The following CPNE4 variants were observed in gnomAD, a reference collection of about 807,000 sequenced individuals.
The protein encoded by CPNE4 is copine-4.
A neutral mutation model predicts 67.9 loss-of-function variants in CPNE4; 25 were observed. The ratio of observed to expected loss-of-function variants is 0.37; its 90% confidence interval spans 0.27 to 0.51. The LOEUF is 0.51. CPNE4 is among the 20% of genes least tolerant of loss of function. The pLI, the probability that CPNE4 is intolerant of heterozygous loss-of-function variation, is 0.93. For synonymous variants in CPNE4, 242 were observed against 244.9 expected (o/e 0.99, Z 0.11); for missense variants, 464 against 690.8 (o/e 0.67, Z 3.68).
At chr3:131,678,207 G>A (rs2080638107) in intron 6 of CPNE4, among the ~76,000 whole-genome samples, 2 of 152,176 alleles carry the variant, frequency 1.3e-5, no homozygotes, top group Middle Eastern at 3.4e-3. Context: ...TTGTGAATGG[G>A]AGTTCATTCA....
intron 7 of CPNE4, among the ~76,000 whole-genome samples, chr3:131,650,378 C>T (rs911987127): frequency 7.2e-5 from 11 of 152,074 alleles, no homozygotes; most frequent in African/African-American, 2.4e-4. Context: ...AGGGGCCACC[C>T]TAGGGTGTGA....
chr3:131,683,976 T>C (rs1328788650), intron 6 of CPNE4, among the ~76,000 whole-genome samples: 1 of 152,104 alleles, frequency 6.6e-6, no homozygotes, highest in Non-Finnish European at 1.5e-5. Flanking sequence ...TCACTGTCTC[T>C]TCCCCAAGCA....
chr3:131,768,281 G>T (rs977683754), intron 2 of CPNE4, among the ~76,000 whole-genome samples: 3 of 152,066 alleles, frequency 2.0e-5, no homozygotes, highest in Non-Finnish European at 4.4e-5. Flanking sequence ...TTCTTTTGTT[G>T]CATGGAGAAG....
chr3:131,878,776 G>T (rs1400168019), intron 2 of CPNE4, among the ~76,000 whole-genome samples: 5 of 152,098 alleles, frequency 3.3e-5, no homozygotes, highest in Non-Finnish European at 7.4e-5. Context: ...ACTAGATGGG[G>T]TATGCGCTTA....
chr3:132,031,071 T>G (rs1327414477), intron 1 of CPNE4, among the ~76,000 whole-genome samples: 1 of 152,116 alleles, frequency 6.6e-6, no homozygotes, highest in African/African-American at 2.4e-5. Flanking sequence ...ATTATAAGAT[T>G]TTGGGGACAT....
chr3:132,030,971 A>G lies in CPNE4; in HGVS notation c.-2+3596T>C, dbSNP rs888346597. 5.9e-5 allele frequency among the ~76,000 whole-genome samples: 9 copies of G among 152,344 alleles called. No homozygotes were observed. The South Asian group carries it at 1.9e-3, about 32-fold the overall frequency. ...ATTGTGCTTGATTTTTGGATTTACC[A>G]TCAACTATCACATAAATACTTTATC... On this transcript the variant is annotated intron_variant, in intron 1 of 15. Transcript: ENST00000429747.
intron 2 of CPNE4, among the ~76,000 whole-genome samples, chr3:131,857,668 T>A (rs947010590): frequency 1.3e-5 from 2 of 152,064 alleles, no homozygotes; most frequent in Non-Finnish European, 2.9e-5. Context: ...ATGTTCTTTC[T>A]AGTGCCCACT....
chr3:131,568,177 A>G (rs570939925), intron 10 of CPNE4, among the ~76,000 whole-genome samples: 116 of 152,180 alleles, frequency 7.6e-4, no homozygotes, highest in African/African-American at 2.7e-3. Flanking sequence ...GTCTTAAGTA[A>G]GAGTCAGCTA....
intron 3 of CPNE4, among the ~76,000 whole-genome samples, chr3:131,710,605 G>GT (rs1451773226): frequency 3.9e-5 from 6 of 152,132 alleles, no homozygotes; most frequent in African/African-American, 1.4e-4. Context: ...ATTTCGCTCT[G>GT]CAACTTACTG....
chr3:131,539,075 A>G (rs975575241), intron 15 of CPNE4: 1 of 152,244 alleles, frequency 6.6e-6, no homozygotes, highest in African/African-American at 2.4e-5. Flanking sequence ...AATGGCTTAC[A>G]TAAAATGATT....
chr3:131,553,597 A>G (rs140888517), intron 12 of CPNE4, among the ~76,000 whole-genome samples: 4 of 152,174 alleles, frequency 2.6e-5, no homozygotes, highest in African/African-American at 9.6e-5. Flanking sequence ...ACCAGTTGCC[A>G]ACAGCGGTAA....
At chr3:131,548,799 C>G (rs1936014628) in intron 14 of CPNE4, among the ~76,000 whole-genome samples, 1 of 152,070 alleles carries the variant, frequency 6.6e-6, no homozygotes, top group South Asian at 2.1e-4. Flanking sequence ...AGATTTTACT[C>G]CAAGTATGAT....
intron 1 of CPNE4, among the ~76,000 whole-genome samples, chr3:131,942,705 C>T (rs2071436418): frequency 6.6e-6 from 1 of 152,054 alleles, no homozygotes; most frequent in Admixed American, 6.6e-5. Flanking sequence ...GGACAAAGGA[C>T]TTATTTGAGT....
chr3:131,534,373 A>C lies in CPNE4; in HGVS notation c.*822T>G, dbSNP rs1935024484. ...TCAGGAAGAGGTGCCATTCTCAAGCAGACTAGAAGCCACGCTGTTTTTGAT... is the reference window on the plus strand; with the variant it reads ...TCAGGAAGAGGTGCCATTCTCAAGCCGACTAGAAGCCACGCTGTTTTTGAT... On this transcript the variant is annotated 3_prime_UTR_variant, in exon 16 of 16. Transcript: ENST00000429747. The C allele has an allele frequency of 6.6e-6, 1 of 152,182 alleles. No homozygotes were observed. The highest frequency in any genetic ancestry group is 1.5e-5 in the Non-Finnish European group (1 of 68,038). 9.4% of individuals were successfully genotyped at this position (152,182 alleles called of 1,614,324 possible). A position where few individuals can be genotyped will look rare whatever the true frequency, so the allele number is the denominator to read the frequency against.
intron 2 of CPNE4, among the ~76,000 whole-genome samples, chr3:131,898,808 A>C (rs2088437433): frequency 6.6e-6 from 1 of 152,236 alleles, no homozygotes; most frequent in South Asian, 2.1e-4. Flanking sequence ...AAGATTTCTA[A>C]TATCACCAAG....
intron 6 of CPNE4, among the ~76,000 whole-genome samples, chr3:131,674,607 A>C (rs1038036858): frequency 1.3e-5 from 2 of 151,992 alleles, no homozygotes; most frequent in Non-Finnish European, 2.9e-5. Flanking sequence ...ATTTATTGGC[A>C]TATAGTTGCT....
chr3:131,882,891 G>T (rs192111410), intron 2 of CPNE4, among the ~76,000 whole-genome samples: 11,430 of 151,746 alleles, frequency 0.075, 579 homozygotes, highest in East Asian at 0.17. Context: ...TAATTTTTTT[G>T]TATTTTTAAT....
chr3:131,544,292 A>ATACT (rs1935691148), intron 14 of CPNE4, among the ~76,000 whole-genome samples: 1 of 152,188 alleles, frequency 6.6e-6, no homozygotes, highest in African/African-American at 2.4e-5. Flanking sequence ...TGAGAATCAT[A>ATACT]TACTTAATGT....
chr3:131,821,007 T>C (rs1204540512), intron 2 of CPNE4, among the ~76,000 whole-genome samples: 3 of 152,176 alleles, frequency 2.0e-5, no homozygotes, highest in African/African-American at 7.2e-5. Flanking sequence ...TGGAAAGACA[T>C]ATCTTGCCAA....
Sources: gnomAD v4.1 joint callset for allele counts (sites outside exome capture counted in the v4.1 genomes callset) on GRCh38, gnomAD v4.1.1 for gene constraint, MANE v1.5 for transcripts, NCBI Gene and HGNC (gene_info 2026-07-23, HGNC 2026-07-21) for gene names.